Variants in AUTS2 observed in about 807,000 individuals in gnomAD.
The protein encoded by AUTS2 is activator of transcription and developmental regulator AUTS2.
In AUTS2, 17 loss-of-function variants were observed where a neutral mutation model predicts 112.4. The ratio of observed to expected loss-of-function variants is 0.15; its 90% CI spans 0.10 to 0.23. The LOEUF (loss-of-function observed/expected upper bound fraction) is 0.23, where lower values mean the gene tolerates loss of function less well. Among genes scored for constraint, AUTS2 ranks in the 10% least tolerant of loss-of-function variants. The pLI is 1.00. For synonymous variants in AUTS2, 751 were observed against 702.7 expected (o/e 1.07, Z -1.09); for missense variants, 1,510 against 1,701.6 (o/e 0.89, Z 1.98).
intron 4 of AUTS2, among the ~76,000 whole-genome samples, chr7:70,269,978 GC>G (rs1443348344): frequency 1.3e-5 from 2 of 152,160 alleles, no homozygotes; most frequent in Non-Finnish European, 2.9e-5. Flanking sequence ...GTTTGAGGCT[GC>G]AGTGGGCTAT....
At chr7:69,737,539 T>C (rs1215669908) in intron 1 of AUTS2, among the ~76,000 whole-genome samples, 1 of 152,088 alleles carries the variant, frequency 6.6e-6, no homozygotes, top group Non-Finnish European at 1.5e-5. Flanking sequence ...CTCATTCCCA[T>C]ATCCCATTAG....
intron 5 of AUTS2, among the ~76,000 whole-genome samples, chr7:70,452,888 G>T (rs540747557): frequency 6.6e-6 from 1 of 152,096 alleles, no homozygotes; most frequent in Non-Finnish European, 1.5e-5. Context: ...CTCCACCTAA[G>T]CTCTGGTTTT....
At chr7:69,991,698 A>G (rs1189274919) in intron 2 of AUTS2, among the ~76,000 whole-genome samples, 1 of 152,220 alleles carries the variant, frequency 6.6e-6, no homozygotes, top group East Asian at 1.9e-4. Flanking sequence ...GATAATATAA[A>G]TCATTTGAAA....
chr7:70,375,763 A>G (rs1028600888), intron 4 of AUTS2, among the ~76,000 whole-genome samples: 2 of 152,186 alleles, frequency 1.3e-5, no homozygotes, highest in Non-Finnish European at 2.9e-5. Flanking sequence ...CTGAACTGCT[A>G]TGAATTAGCA....
chr7:70,402,619 T>C (rs1794372629), intron 4 of AUTS2, among the ~76,000 whole-genome samples: 1 of 152,186 alleles, frequency 6.6e-6, no homozygotes, highest in Non-Finnish European at 1.5e-5. Flanking sequence ...AAGGCTTGCA[T>C]GCGGGAAGAG....
chr7:70,038,180 T>A (rs759711586), intron 2 of AUTS2, among the ~76,000 whole-genome samples: 2 of 152,156 alleles, frequency 1.3e-5, no homozygotes, highest in Non-Finnish European at 2.9e-5. Context: ...GGCAGCAATG[T>A]GGAGCTTACT....
chr7:69,753,581 G>A (rs1385938043), intron 1 of AUTS2, among the ~76,000 whole-genome samples: 1 of 152,216 alleles, frequency 6.6e-6, no homozygotes, highest in Non-Finnish European at 1.5e-5. Flanking sequence ...AAGGGGATGT[G>A]TGAGGGTGCA....
At chr7:70,764,075 G>A (rs1181068293) in intron 7 of AUTS2, among the ~76,000 whole-genome samples, 4 of 152,134 alleles carry the variant, frequency 2.6e-5, no homozygotes, top group South Asian at 2.1e-4. Flanking sequence ...ATTCTAACCC[G>A]GCACAGCTCC....
chr7:70,412,442 C>T (rs1306788441), intron 4 of AUTS2, among the ~76,000 whole-genome samples: 2 of 152,124 alleles, frequency 1.3e-5, no homozygotes, highest in Admixed American at 6.5e-5. Context: ...CAAGGATCTT[C>T]GTAGAGCAAG....
chr7:69,747,578 G>T (rs551372844), intron 1 of AUTS2, among the ~76,000 whole-genome samples: 1 of 152,112 alleles, frequency 6.6e-6, no homozygotes, highest in South Asian at 2.1e-4. Flanking sequence ...TTACACATAG[G>T]GAAGTGGCTT....
At chr7:69,694,944 A>G (rs1033356313) in intron 1 of AUTS2, among the ~76,000 whole-genome samples, 2 of 152,202 alleles carry the variant, frequency 1.3e-5, no homozygotes, top group African/African-American at 2.4e-5. Flanking sequence ...CCCCACTGGA[A>G]CATTTTGGGT....
At chr7:69,930,266 C>T (rs776453287) in intron 2 of AUTS2, among the ~76,000 whole-genome samples, 13 of 152,144 alleles carry the variant, frequency 8.5e-5, no homozygotes, top group Non-Finnish European at 1.6e-4. Flanking sequence ...CCAGTCTGTA[C>T]TGTGTTGCAG....
rs151063255 is a variant in AUTS2 at position 70,607,980 on chromosome 7, G to A, written c.691-90589G>A. ...ATTTCTACAAATAGTCATATGATACGACTCTTCCTGAAAACTAGAGTTGGG... is the reference window on the plus strand; with the variant it reads ...ATTTCTACAAATAGTCATATGATACAACTCTTCCTGAAAACTAGAGTTGGG... On this transcript the variant is annotated intron_variant, in intron 5 of 18. Coordinates refer to ENST00000342771, the MANE Select transcript of AUTS2 (RefSeq NM_015570.4). Among the ~76,000 whole-genome samples, 391 of 152,248 alleles carry A rather than the reference G, an allele frequency of 2.6e-3. 1 individual carries two copies. The highest frequency in any genetic ancestry group is 7.9e-3 in the African/African-American group (329 of 41,540).
chr7:70,644,994 A>AT (rs1806071792), intron 5 of AUTS2, among the ~76,000 whole-genome samples: 1 of 152,184 alleles, frequency 6.6e-6, no homozygotes. Flanking sequence ...AGGAAAGGCC[A>AT]TGGCCTAAAA....
chr7:69,684,533 A>G (rs1796970969), intron 1 of AUTS2, among the ~76,000 whole-genome samples: 1 of 152,178 alleles, frequency 6.6e-6, no homozygotes, highest in Non-Finnish European at 1.5e-5. Flanking sequence ...CTGTAGGGAA[A>G]TGGCGCCTCT....
intron 2 of AUTS2, among the ~76,000 whole-genome samples, chr7:70,109,885 A>C (rs955649139): frequency 5.9e-5 from 9 of 152,328 alleles, no homozygotes; most frequent in Middle Eastern, 6.8e-3. Flanking sequence ...TTAGAATTAC[A>C]TTTTACAGCA....
In AUTS2 at chr7:69,743,333, C is replaced by T. The variant is rs1378234118; in HGVS notation, c.309+143371C>T. On this transcript the variant is annotated intron_variant, in intron 1 of 18. Transcript: ENST00000342771. ...TAGCGTTCATCAGTGTTGTCAGTAG[C>T]CAGGGCTTCCTTCTGTACCATATTG... Among the ~76,000 whole-genome samples, 4 of 152,236 alleles carry T rather than the reference C, an allele frequency of 2.6e-5. No homozygotes were observed. In the East Asian group the frequency reaches 7.7e-4, roughly 29 times the overall value.
At chr7:69,613,940 T>C (rs925877544) in intron 1 of AUTS2, among the ~76,000 whole-genome samples, 1 of 152,248 alleles carries the variant, frequency 6.6e-6, no homozygotes, top group Non-Finnish European at 1.5e-5. Context: ...TTCATTATTC[T>C]AAGCAGATTT....
chr7:70,709,107 T>TG (rs1024524464), intron 6 of AUTS2, among the ~76,000 whole-genome samples: 1 of 151,718 alleles, frequency 6.6e-6, no homozygotes. Flanking sequence ...GTAGTAGAAA[T>TG]GGGGTTTCAC....
Sources: allele counts gnomAD v4.1 joint callset (sites outside exome capture counted in the v4.1 genomes callset), GRCh38; gene constraint gnomAD v4.1.1; transcripts MANE v1.5; gene names NCBI Gene and HGNC (gene_info 2026-07-23, HGNC 2026-07-21).